The following DDAH1 variants were observed in gnomAD, a reference collection of about 807,000 sequenced individuals.
DDAH1 encodes the protein dimethylarginine dimethylaminohydrolase 1.
In DDAH1, 19 loss-of-function variants were observed where a neutral mutation model predicts 28.8. The ratio of observed to expected loss-of-function variants is 0.66; its 90% CI spans 0.46 to 0.97. The LOEUF is 0.97. DDAH1 is among the 50% of genes least tolerant of loss of function. DDAH1 has a pLI of 0.00. For missense variants in DDAH1, 326 were observed against 375.9 expected, an observed-to-expected ratio of 0.87 and a Z score of 1.10; for synonymous variants, 153 against 154.4, an observed-to-expected ratio of 0.99 and a Z score of 0.07.
At chr1:85,393,822 T>A (rs1314910172) in intron 1 of DDAH1, among the ~76,000 whole-genome samples, 1 of 152,140 alleles carries the variant, frequency 6.6e-6, no homozygotes, top group Non-Finnish European at 1.5e-5. Context: ...AATGACAAAT[T>A]TAGGGTTGCC....
chr1:85,572,895 G>C (rs1177068921), intron 1 of DDAH1, among the ~76,000 whole-genome samples: 1 of 152,244 alleles, frequency 6.6e-6, no homozygotes, highest in Non-Finnish European at 1.5e-5. Flanking sequence ...AGTGCAGCCA[G>C]AATACCTGGC....
chr1:85,536,041 A>C (rs1300796639), intron 1 of DDAH1, among the ~76,000 whole-genome samples: 4 of 151,910 alleles, frequency 2.6e-5, no homozygotes, highest in Non-Finnish European at 4.4e-5. Context: ...TGGGCGGATC[A>C]CCTGAGCTCA....
chr1:85,426,509 T>C (rs1163132145), intron 1 of DDAH1, among the ~76,000 whole-genome samples: 2 of 152,214 alleles, frequency 1.3e-5, no homozygotes, highest in African/African-American at 2.4e-5. Context: ...TCTGAAATAC[T>C]TGAGACCCAA....
chr1:85,414,639 GA>G (rs973536724), intron 1 of DDAH1, among the ~76,000 whole-genome samples: 1 of 152,178 alleles, frequency 6.6e-6, no homozygotes, highest in African/African-American at 2.4e-5. Flanking sequence ...CACTTTCTAA[GA>G]AATGGAGGAG....
At chr1:85,438,515 T>G (rs1654041374) in intron 1 of DDAH1, among the ~76,000 whole-genome samples, 1 of 152,202 alleles carries the variant, frequency 6.6e-6, no homozygotes, top group Non-Finnish European at 1.5e-5. Flanking sequence ...AGGAAATGAC[T>G]GCAGACTTCT....
At chr1:85,466,829 A>ATTTATT (rs1158919618), upstream of DDAH1, among the ~76,000 whole-genome samples, 3 of 46,564 alleles carry the variant, frequency 6.4e-5, no homozygotes, top group East Asian at 1.8e-3. Context: ...TTCATTATTT[A>ATTTATT]TTCTTTTTTT....
intron 1 of DDAH1, among the ~76,000 whole-genome samples, chr1:85,502,680 C>T (rs1047327866): frequency 1.3e-5 from 2 of 152,212 alleles, no homozygotes; most frequent in African/African-American, 4.8e-5. Flanking sequence ...ACCACCACTG[C>T]CATTGTTTCT....
chr1:85,394,898 TG>T (rs1245565613), intron 1 of DDAH1, among the ~76,000 whole-genome samples: 1 of 152,210 alleles, frequency 6.6e-6, no homozygotes, highest in African/African-American at 2.4e-5. Context: ...TTGCTAAAAA[TG>T]ATTAAAGTAT....
At chr1:85,400,196 T>C (rs1370126220) in intron 1 of DDAH1, among the ~76,000 whole-genome samples, 8 of 103,134 alleles carry the variant, frequency 7.8e-5, no homozygotes, top group South Asian at 3.3e-4. Flanking sequence ...TTTTTTTTTT[T>C]TTTTTTTTTT....
At chr1:85,397,549 C>T (rs963451079) in intron 1 of DDAH1, among the ~76,000 whole-genome samples, 4 of 152,110 alleles carry the variant, frequency 2.6e-5, no homozygotes, top group Non-Finnish European at 4.4e-5. Flanking sequence ...TTTTTTAAAG[C>T]TATCTCTAGC....
At chr1:85,467,469 A>G (rs1275917453), upstream of DDAH1, 1 of 152,178 alleles carries the variant, frequency 6.6e-6, no homozygotes, top group Non-Finnish European at 1.5e-5. Flanking sequence ...TTTTGTAGTT[A>G]TCCCTGTTAA....
At chr1:85,493,137 T>C (rs898826772) in intron 2 of DDAH1, among the ~76,000 whole-genome samples, 2 of 151,994 alleles carry the variant, frequency 1.3e-5, no homozygotes, top group Non-Finnish European at 2.9e-5. Flanking sequence ...TTTTATCTTT[T>C]TCTTCTGATT....
intron 4 of DDAH1, among the ~76,000 whole-genome samples, chr1:85,348,157 C>T (rs1468507332): frequency 6.6e-6 from 1 of 152,158 alleles, no homozygotes; most frequent in Non-Finnish European, 1.5e-5. Context: ...ATGAACTCTA[C>T]AGGGAGGAGG....
intron 4 of DDAH1, among the ~76,000 whole-genome samples, chr1:85,341,534 G>A (rs778895131): frequency 1.2e-4 from 18 of 152,230 alleles, no homozygotes; most frequent in Non-Finnish European, 2.2e-4. Flanking sequence ...AAGATGTTCC[G>A]GCTGGGCGAG....
intron 1 of DDAH1, among the ~76,000 whole-genome samples, chr1:85,565,886 G>A (rs1272597256): frequency 6.6e-6 from 1 of 152,096 alleles, no homozygotes; most frequent in Non-Finnish European, 1.5e-5. Flanking sequence ...TTCGAGACCA[G>A]GCTGGCCAAC....
At position 85,319,784 on chromosome 1, in the gene DDAH1, CTT is replaced by C. The variant is rs955784362; in HGVS notation, c.*1666_*1667del. The C allele has an allele frequency of 6.6e-6, 1 of 152,146 alleles. No individual in the cohort carries two copies. The highest frequency in any genetic ancestry group is 2.4e-5 in the African/African-American group (1 of 41,420). 9.4% of individuals were successfully genotyped at this position (152,146 alleles called of 1,614,324 possible). A position where few individuals can be genotyped will look rare whatever the true frequency, so the allele number is the denominator to read the frequency against. ...AAGGAAGAGAAGGAGGAGAAAAAAA[CTT>C]TTGCAAATTTCTGACATAAAATAAT... On this transcript the variant is annotated 3_prime_UTR_variant, in exon 6 of 6. Coordinates refer to ENST00000284031, the MANE Select transcript of DDAH1 (RefSeq NM_012137.4).
At chr1:85,352,907 A>G (rs1043473547) in intron 2 of DDAH1, among the ~76,000 whole-genome samples, 2 of 151,798 alleles carry the variant, frequency 1.3e-5, no homozygotes, top group African/African-American at 4.8e-5. Context: ...AAAGAACAGT[A>G]CTAGACATTG....
chr1:85,430,483 T>C (rs575983351), intron 1 of DDAH1, among the ~76,000 whole-genome samples: 8 of 152,358 alleles, frequency 5.3e-5, no homozygotes, highest in East Asian at 1.9e-4. Context: ...TATAAATTAC[T>C]TTGGGCAGTA....
At chr1:85,333,892 C>G (rs1647938057) in intron 4 of DDAH1, among the ~76,000 whole-genome samples, 1 of 152,176 alleles carries the variant, frequency 6.6e-6, no homozygotes, top group Non-Finnish European at 1.5e-5. Flanking sequence ...TACCTTAAAA[C>G]TCCCTAAGTC....
Sources: gnomAD v4.1 joint callset for allele counts (sites outside exome capture counted in the v4.1 genomes callset) on GRCh38, gnomAD v4.1.1 for gene constraint, MANE v1.5 for transcripts, NCBI Gene and HGNC (gene_info 2026-07-23, HGNC 2026-07-21) for gene names.